PTPRG: variants seen among roughly 807,000 people sequenced by gnomAD.
PTPRG encodes receptor-type tyrosine-protein phosphatase gamma.
In PTPRG, 102 loss-of-function variants were observed where a neutral mutation model predicts 165.3. The ratio of observed to expected loss-of-function variants is 0.62; its 90% CI spans 0.53 to 0.73. The LOEUF is 0.73. Among genes scored for constraint, PTPRG ranks in the 30% least tolerant of loss-of-function variants. PTPRG has a pLI of 0.00. For synonymous variants in PTPRG, 675 were observed against 669.5 expected (o/e 1.01, Z -0.13); for missense variants, 1,866 against 1,861.4 (o/e 1.00, Z -0.05).
rs1218445944 is a variant in PTPRG at position 62,219,296 on chromosome 3, T to G, written c.2288+313T>G. 6.6e-6 allele frequency among the ~76,000 whole-genome samples: 1 copy of G among 152,200 alleles called. No homozygotes were observed. The highest frequency in any genetic ancestry group is 1.5e-5 in the Non-Finnish European group (1 of 68,040). ...ATCCAAATCCCGTGTCCACTTTGAT[T>G]GTTAGTTTCAGAACCAGCAAAATGA... On this transcript the variant is annotated intron_variant, in intron 13 of 29. Coordinates refer to ENST00000474889, the MANE Select transcript of PTPRG (RefSeq NM_002841.4). This position sits in a 1 kb window ranked among gnomAD's most constrained non-coding sequence, Gnocchi z 4.5.
At chr3:61,777,303 G>T (rs2034414302) in intron 2 of PTPRG, among the ~76,000 whole-genome samples, 1 of 152,126 alleles carries the variant, frequency 6.6e-6, no homozygotes, top group Admixed American at 6.6e-5. Flanking sequence ...TATGGCTGAG[G>T]AACTGAATTT....
intron 2 of PTPRG, among the ~76,000 whole-genome samples, chr3:61,757,677 C>T (rs953840347): frequency 2.0e-5 from 3 of 152,120 alleles, no homozygotes; most frequent in Non-Finnish European, 4.4e-5. Context: ...TTTGACATAG[C>T]ATAAATCCTA....
intron 1 of PTPRG, chr3:61,742,460 A>C (rs2033030490): frequency 6.4e-7 from 1 of 1,552,542 alleles, no homozygotes; most frequent in Non-Finnish European, 8.6e-7. Flanking sequence ...GTGCCTTAAT[A>C]TAGGCGCTGG....
At chr3:62,188,660 A>G (rs1430055996) in intron 8 of PTPRG, among the ~76,000 whole-genome samples, 3 of 152,220 alleles carry the variant, frequency 2.0e-5, no homozygotes, top group Non-Finnish European at 4.4e-5. Context: ...AATAAGAAGA[A>G]TGGTTGCATC....
Position 61,665,469 on chromosome 3 carries a change from T to TACACACACACAC in PTPRG, c.86-83385_86-83374dup, listed in dbSNP as rs10662394. 8.4e-3 allele frequency among the ~76,000 whole-genome samples: 1,212 copies of TACACACACACAC among 143,996 alleles called. 11 individuals are homozygous for TACACACACACAC. The highest frequency in any genetic ancestry group is 0.024 in the African/African-American group (914 of 38,500). 94.5% of individuals were successfully genotyped at this position (143,996 alleles called of 152,430 possible). On this transcript the variant is annotated intron_variant, in intron 1 of 29. Coordinates refer to ENST00000474889, the MANE Select transcript of PTPRG (RefSeq NM_002841.4). The stretch of plus-strand genomic sequence containing the variant: ...GCTAAGATGGTGAATTGTAAATAAA[T>TACACACACACAC]ACACACACACACACACACACACACA...
chr3:62,110,473 G>A (rs1559518302), intron 5 of PTPRG, among the ~76,000 whole-genome samples: 1 of 151,730 alleles, frequency 6.6e-6, no homozygotes, highest in Non-Finnish European at 1.5e-5. Flanking sequence ...TAATATGAAG[G>A]CATTTATCCA....
chr3:61,643,315 C>G (rs1241908602), intron 1 of PTPRG, among the ~76,000 whole-genome samples: 3 of 151,754 alleles, frequency 2.0e-5, no homozygotes, highest in Non-Finnish European at 4.4e-5. Context: ...CAGACAGAGA[C>G]AGACATACCA....
chr3:62,283,669 A>C (rs942454886), intron 28 of PTPRG, among the ~76,000 whole-genome samples: 2 of 152,076 alleles, frequency 1.3e-5, no homozygotes, highest in African/African-American at 4.8e-5. Flanking sequence ...TAAATTACCA[A>C]CTAGCTACCC....
chr3:61,562,444 G>T (rs982305493), intron 1 of PTPRG, 72 bp downstream of exon 1: 23 of 1,474,670 alleles, frequency 1.6e-5, no homozygotes, highest in Non-Finnish European at 2.1e-5. Flanking sequence ...TCGCCTGGGC[G>T]CGGAGCTCCG....
At chr3:62,080,772 G>A (rs941665371) in intron 5 of PTPRG, among the ~76,000 whole-genome samples, 2 of 152,112 alleles carry the variant, frequency 1.3e-5, no homozygotes, top group Non-Finnish European at 2.9e-5. Flanking sequence ...AGGCAGGCAA[G>A]ACACATTGGT....
At chr3:62,058,233 A>G (rs1700693068) in intron 4 of PTPRG, among the ~76,000 whole-genome samples, 1 of 152,194 alleles carries the variant, frequency 6.6e-6, no homozygotes, top group Non-Finnish European at 1.5e-5. Flanking sequence ...ATACAACCTC[A>G]TTCCTAACCT....
rs1235846070 is a variant in PTPRG at position 62,243,872 on chromosome 3, A to G, written c.2441A>G (p.Glu814Gly). ...AGTTCACCTCGAGTGGTCCCTAATG[A>G]AAGTATCCCTATTATTCCTATTCCG... ...DSSSPRVVPNESIPIIPIPDD... is the reference protein window; with the variant it reads ...DSSSPRVVPNGSIPIIPIPDD... The change falls in exon 15 of 30, where the codon GAA becomes GGA. Residue 814 changes from glutamate (E) to glycine (G), a missense_variant. Physicochemically the swap from Glu to Gly is moderately conservative, Grantham distance 98. Around this residue, in one of 3 missense-constraint regions of PTPRG, gnomAD observed 1,452 missense variants for 1,463.0 expected, o/e 0.99. Coordinates refer to ENST00000474889, the MANE Select transcript of PTPRG (RefSeq NM_002841.4). 15 of 1,573,324 alleles carry G rather than the reference A, an allele frequency of 9.5e-6. No homozygotes were observed. The highest frequency in any genetic ancestry group is 1.2e-5 in the Non-Finnish European group (14 of 1,143,792).
Position 61,766,571 on chromosome 3 carries a change from C to T in PTPRG, c.190+17589C>T, listed in dbSNP as rs111917346. On this transcript the variant is annotated intron_variant, in intron 2 of 29. Coordinates refer to ENST00000474889, the MANE Select transcript of PTPRG (RefSeq NM_002841.4). The stretch of plus-strand genomic sequence containing the variant: ...TGCATTATAGAAAGGAAACTTTGTT[C>T]GTATCACACATGTATTATTTAACAC... 3.4e-4 allele frequency among the ~76,000 whole-genome samples: 51 copies of T among 151,794 alleles called. 1 individual carries two copies. In the East Asian group the frequency reaches 7.3e-3, roughly 22 times the overall value.
intron 5 of PTPRG, among the ~76,000 whole-genome samples, chr3:62,080,979 C>A: frequency 1.3e-5 from 2 of 152,106 alleles, no homozygotes; most frequent in East Asian, 3.9e-4. Flanking sequence ...AATTAGAGGC[C>A]GGGCGCGGTG....
At chr3:61,671,844 C>G (rs1407672595) in intron 1 of PTPRG, among the ~76,000 whole-genome samples, 5 of 137,670 alleles carry the variant, frequency 3.6e-5, no homozygotes, top group Admixed American at 3.6e-4. Context: ...TAGGGGCGGC[C>G]GGGCAGAGGC....
chr3:61,959,935 T>C (rs2040113174), intron 2 of PTPRG, among the ~76,000 whole-genome samples: 1 of 152,142 alleles, frequency 6.6e-6, no homozygotes, highest in South Asian at 2.1e-4. Context: ...CGTTCTGTGC[T>C]GTTCTCATCG....
chr3:61,783,088 G>A (rs1354391320), intron 2 of PTPRG, among the ~76,000 whole-genome samples: 1 of 152,186 alleles, frequency 6.6e-6, no homozygotes, highest in Admixed American at 6.5e-5. Flanking sequence ...TTACAGGCAT[G>A]AGCCAGCACA....
intron 3 of PTPRG, among the ~76,000 whole-genome samples, chr3:61,997,428 A>G (rs1001203293): frequency 6.6e-6 from 1 of 152,134 alleles, no homozygotes; most frequent in South Asian, 2.1e-4. Flanking sequence ...CTCGTGTCCC[A>G]TCCTGCTCTC....
chr3:61,578,420 G>A (rs534173220), intron 1 of PTPRG, among the ~76,000 whole-genome samples: 1 of 152,288 alleles, frequency 6.6e-6, no homozygotes, highest in East Asian at 1.9e-4. Flanking sequence ...GGACTCCAGG[G>A]TATTACCAGT....
Sources: gnomAD v4.1 joint callset for allele counts (sites outside exome capture counted in the v4.1 genomes callset) on GRCh38, gnomAD v4.1.1 for gene constraint, gnomAD v4.1.1 regional missense constraint, Gnocchi (gnomAD v3.1) non-coding constraint, MANE v1.5 for transcripts, NCBI Gene and HGNC (gene_info 2026-07-23, HGNC 2026-07-21) for gene names.